Variants in ATP11B observed in about 807,000 individuals in gnomAD.
ATP11B encodes phospholipid-transporting ATPase IF.
In ATP11B, 81 loss-of-function variants were observed where a neutral mutation model predicts 157.8. The ratio of observed to expected loss-of-function variants is 0.51; its 90% confidence interval spans 0.43 to 0.62. The LOEUF (loss-of-function observed/expected upper bound fraction) is 0.62, where lower values mean the gene tolerates loss of function less well. Among genes scored for constraint, ATP11B ranks in the 20% least tolerant of loss-of-function variants. The probability of loss-of-function intolerance (pLI) is 0.00; values close to 1 mark genes in which losing one functional copy is unlikely to be tolerated. For missense variants in ATP11B, 1,165 were observed against 1,402.2 expected (o/e 0.83, Z 2.70); for synonymous variants, 451 against 469.4 (o/e 0.96, Z 0.51).
At chr3:182,904,627 C>T (rs1389695277) in intron 28 of ATP11B, among the ~76,000 whole-genome samples, 2 of 152,158 alleles carry the variant, frequency 1.3e-5, no homozygotes, top group African/African-American at 4.8e-5. Flanking sequence ...GTGGCTCACA[C>T]CTGTAATCCC....
In ATP11B at chr3:182,865,672, A is replaced by G; in HGVS notation, c.1417A>G (p.Thr473Ala). The change falls in exon 13 of 30, where the codon ACC becomes GCC. Residue 473 changes from threonine (T) to alanine (A), a missense_variant. Physicochemically the swap from Thr to Ala is moderately conservative, Grantham distance 58 (BLOSUM62 0). This residue lies in a region of ATP11B where 737 missense variants were observed against 930.5 expected (regional missense o/e 0.79). Transcript: ENST00000323116. ...TCTTACAACCAGTTCCTCTTTCAGA[A>G]CCAGTCCTGAAAATGAAACTGAACT... ...SHLTTSSSFR[T>A]SPENETELIK... is the part of the protein sequence containing the mutation. The G allele has an allele frequency of 1.2e-6, 2 of 1,612,866 alleles. No individual in the cohort carries two copies. Among genetic ancestry groups the G allele is most frequent in the Middle Eastern group, 1.7e-4 (1 of 6,054 alleles).
chr3:182,899,128 T>C (rs894193632), intron 28 of ATP11B, among the ~76,000 whole-genome samples: 2 of 151,610 alleles, frequency 1.3e-5, no homozygotes, highest in South Asian at 2.1e-4. Context: ...GCCATGTCTT[T>C]AGAAACATCA....
At chr3:182,836,169 C>T in intron 5 of ATP11B, 27 bp downstream of exon 5, 1 of 1,592,592 alleles carries the variant, frequency 6.3e-7, no homozygotes, top group Non-Finnish European at 8.6e-7. Flanking sequence ...TAATGGAAAT[C>T]AACTTTATCT....
intron 28 of ATP11B, among the ~76,000 whole-genome samples, chr3:182,899,639 T>G (rs1373948780): frequency 6.6e-6 from 1 of 152,230 alleles, no homozygotes; most frequent in African/African-American, 2.4e-5. Context: ...TGGGGCCTGA[T>G]AGATCTCAGT....
chr3:182,906,513 G>C (rs1724361299), intron 28 of ATP11B, among the ~76,000 whole-genome samples: 1 of 152,110 alleles, frequency 6.6e-6, no homozygotes, highest in South Asian at 2.1e-4. Context: ...GCACGATCAT[G>C]GCTCACTGCA....
At chr3:182,841,070 G>C (rs1021471928) in intron 7 of ATP11B, among the ~76,000 whole-genome samples, 1 of 151,640 alleles carries the variant, frequency 6.6e-6, no homozygotes, top group Non-Finnish European at 1.5e-5. Flanking sequence ...GACCTCCTTA[G>C]TTTTCCTTGA....
chr3:182,918,233 G>A lies in ATP11B; in HGVS notation c.*129G>A. ...CTTTGTAGTAGTTCATACCCACTCAGAGTTATAATGGCAAACAAACAGAAA... is the reference window on the plus strand; with the variant it reads ...CTTTGTAGTAGTTCATACCCACTCAAAGTTATAATGGCAAACAAACAGAAA... On this transcript the variant is annotated 3_prime_UTR_variant, in exon 30 of 30. Coordinates refer to ENST00000323116, the MANE Select transcript of ATP11B (RefSeq NM_014616.3). The A allele has an allele frequency of 7.6e-7, 1 of 1,313,384 alleles. No individual in the cohort carries two copies. The highest frequency in any genetic ancestry group is 1.7e-5 in the South Asian group (1 of 59,296). 81.4% of individuals were successfully genotyped at this position (1,313,384 alleles called of 1,614,324 possible).
chr3:182,899,493 A>G (rs1560124406), intron 28 of ATP11B, among the ~76,000 whole-genome samples: 1 of 152,172 alleles, frequency 6.6e-6, no homozygotes, highest in Non-Finnish European at 1.5e-5. Flanking sequence ...CCAAAAAAGT[A>G]TGAAATGAAT....
At chr3:182,877,814 G>A (rs1015525440) in intron 19 of ATP11B, among the ~76,000 whole-genome samples, 9 of 152,142 alleles carry the variant, frequency 5.9e-5, no homozygotes, top group East Asian at 1.9e-4. Context: ...TGCTACCTAC[G>A]TGCCAGAGAT....
intron 10 of ATP11B, among the ~76,000 whole-genome samples, chr3:182,849,562 T>C (rs1418079950): frequency 6.6e-6 from 1 of 152,138 alleles, no homozygotes. Context: ...AATGAACATA[T>C]GGGAAAACAC....
intron 19 of ATP11B, among the ~76,000 whole-genome samples, chr3:182,875,056 TTCTG>T (rs1277572143): frequency 3.3e-5 from 5 of 152,194 alleles, no homozygotes; most frequent in Admixed American, 6.5e-5. Flanking sequence ...ATACTCTAAA[TTCTG>T]TCTTTTTTGT....
At chr3:182,898,522 C>CT in intron 27 of ATP11B, 85 bp from the exon 28 acceptor site, 1 of 1,063,380 alleles carries the variant, frequency 9.4e-7, no homozygotes, top group Admixed American at 2.9e-5. Flanking sequence ...GTACTTGTTA[C>CT]TTTCAACTGT....
intron 1 of ATP11B, among the ~76,000 whole-genome samples, chr3:182,799,570 C>T (rs1029958968): frequency 2.8e-4 from 42 of 152,068 alleles, no homozygotes; most frequent in African/African-American, 8.0e-4. Flanking sequence ...CCACCATGCC[C>T]GGCCCGAGTG....
intron 11 of ATP11B, among the ~76,000 whole-genome samples, 173 bp downstream of exon 11, chr3:182,858,201 C>G (rs987103438): frequency 1.3e-5 from 2 of 152,302 alleles, no homozygotes; most frequent in East Asian, 3.9e-4. Context: ...TGTACTGATA[C>G]GCTTTTTGTA....
At chr3:182,865,375 G>T in intron 12 of ATP11B, 81 bp from the exon 13 acceptor site, 1 of 1,413,078 alleles carries the variant, frequency 7.1e-7, no homozygotes, top group East Asian at 2.3e-5. Context: ...CTTCAGGAGA[G>T]CGAGGACAGA....
At chr3:182,815,161 G>T (rs185130530) in intron 1 of ATP11B, among the ~76,000 whole-genome samples, 1 of 152,240 alleles carries the variant, frequency 6.6e-6, no homozygotes, top group African/African-American at 2.4e-5. Context: ...CCTGCACTAA[G>T]CCAGGGTTCT....
chr3:182,823,882 A>G (rs1240132015), intron 2 of ATP11B, among the ~76,000 whole-genome samples: 1 of 152,006 alleles, frequency 6.6e-6, no homozygotes, highest in Non-Finnish European at 1.5e-5. Context: ...TATCAGTTTT[A>G]AGTGTGCAGT....
chr3:182,857,594 T>C (rs1039815889), intron 10 of ATP11B, among the ~76,000 whole-genome samples: 6 of 152,120 alleles, frequency 3.9e-5, no homozygotes, highest in African/African-American at 7.2e-5. Context: ...TAATTACTTA[T>C]GGCAAAAATA....
chr3:182,843,084 C>A (rs1392897821), intron 8 of ATP11B, among the ~76,000 whole-genome samples: 1 of 152,186 alleles, frequency 6.6e-6, no homozygotes. Context: ...GAGCCTCTTT[C>A]AAGGTGTTAA....
Sources: allele counts gnomAD v4.1 joint callset (sites outside exome capture counted in the v4.1 genomes callset), GRCh38; gene constraint gnomAD v4.1.1; regional missense constraint gnomAD v4.1.1; transcripts MANE v1.5; gene names NCBI Gene and HGNC (gene_info 2026-07-23, HGNC 2026-07-21).